The following PKP4 variants were observed in gnomAD, a reference collection of about 807,000 sequenced individuals.
PKP4 encodes the protein plakophilin 4.
A neutral mutation model predicts 145.1 loss-of-function variants in PKP4; 90 were observed. The observed-to-expected ratio is 0.62, with a 90% confidence interval of 0.52 to 0.74. The LOEUF (loss-of-function observed/expected upper bound fraction) is 0.74. Ranked by LOEUF, PKP4 falls within the 30% of genes least tolerant of loss-of-function variation. The pLI is 0.00. For missense variants in PKP4, 1,340 were observed against 1,482.7 expected (o/e 0.90, Z 1.58); for synonymous variants, 563 against 577.2 (o/e 0.98, Z 0.35).
intron 2 of PKP4, among the ~76,000 whole-genome samples, chr2:158,542,822 TACC>T (rs1410552934): frequency 3.9e-5 from 6 of 152,292 alleles, no homozygotes; most frequent in Non-Finnish European, 8.8e-5. Context: ...CTTCTGCTGC[TACC>T]ACAACAGGAA....
intron 11 of PKP4, among the ~76,000 whole-genome samples, chr2:158,656,168 C>T (rs530947632): frequency 4.7e-4 from 71 of 152,284 alleles, no homozygotes; most frequent in Non-Finnish European, 2.4e-4. Context: ...ACGACCAATT[C>T]TTCCTCAGTT....
At chr2:158,462,381 A>AG in intron 1 of PKP4, among the ~76,000 whole-genome samples, 1 of 151,346 alleles carries the variant, frequency 6.6e-6, no homozygotes, top group Non-Finnish European at 1.5e-5. Context: ...TCTTAAGAAA[A>AG]AAAAAAGAAC....
Position 158,577,284 on chromosome 2 carries a change from A to G in PKP4, c.146A>G (p.Gln49Arg). ...ASVKEQELQF[Q>R]RLTRELEVER... ...CTTGAATCACAGGAGCTTCAGTTTC[A>G]GCGACTCACCCGAGAACTGGAAGTG... Residue 49 changes from glutamine to arginine, a missense_variant, in exon 3 of 22, where the codon CAG becomes CGG. Coordinates refer to ENST00000389759, the MANE Select transcript of PKP4 (RefSeq NM_003628.6). 1 of 1,612,224 alleles carries G rather than the reference A, an allele frequency of 6.2e-7. No individual in the cohort carries two copies. Among genetic ancestry groups the G allele is most frequent in the Admixed American group, 1.7e-5 (1 of 59,754 alleles).
At chr2:158,467,753 A>G (rs1236944209) in intron 1 of PKP4, among the ~76,000 whole-genome samples, 1 of 152,132 alleles carries the variant, frequency 6.6e-6, no homozygotes, top group Non-Finnish European at 1.5e-5. Context: ...AAGCTGAGGT[A>G]GAAGGATTGC....
chr2:158,500,612 G>A (rs1240947896), intron 1 of PKP4, among the ~76,000 whole-genome samples: 1 of 152,176 alleles, frequency 6.6e-6, no homozygotes, highest in Non-Finnish European at 1.5e-5. Context: ...CCAATTCAGA[G>A]CCCGTGCCTT....
intron 6 of PKP4, 77 bp from the exon 7 acceptor site, chr2:158,624,801 T>A: frequency 9.2e-7 from 1 of 1,088,574 alleles, no homozygotes; most frequent in South Asian, 1.6e-5. Context: ...TAGTGAGCTA[T>A]GTGTATTTCT....
intron 1 of PKP4, among the ~76,000 whole-genome samples, chr2:158,466,503 C>T (rs1463959405): frequency 6.6e-6 from 1 of 151,622 alleles, no homozygotes; most frequent in Non-Finnish European, 1.5e-5. Flanking sequence ...TCAAGACCAG[C>T]CTGGACAACA....
At chr2:158,503,426 C>T (rs1696873311) in intron 1 of PKP4, among the ~76,000 whole-genome samples, 1 of 152,116 alleles carries the variant, frequency 6.6e-6, no homozygotes, top group African/African-American at 2.4e-5. Flanking sequence ...ACTTGCTACT[C>T]AAAGCAAGTC....
At chr2:158,608,140 C>A (rs1020398486) in intron 4 of PKP4, among the ~76,000 whole-genome samples, 1 of 152,106 alleles carries the variant, frequency 6.6e-6, no homozygotes, top group Non-Finnish European at 1.5e-5. Flanking sequence ...GCATTACATG[C>A]CTGTATCAAA....
rs1004870036 is a variant in PKP4 at position 158,621,920 on chromosome 2, C to T, written c.603+499C>T. ...AAATATGTTTGTTTCTATGAGTTAG[C>T]TCCCATTGATGAATTCTGATGAGTT... On this transcript the variant is annotated intron_variant, in intron 6 of 21. Coordinates refer to ENST00000389759, the MANE Select transcript of PKP4 (RefSeq NM_003628.6). Among the ~76,000 whole-genome samples, 12 of 152,080 alleles carry T rather than the reference C, an allele frequency of 7.9e-5. 2 individuals are homozygous for T. The highest frequency in any genetic ancestry group is 6.6e-4 in the Admixed American group (10 of 15,264).
intron 1 of PKP4, among the ~76,000 whole-genome samples, chr2:158,499,895 A>G (rs575810692): frequency 6.6e-6 from 1 of 152,350 alleles, no homozygotes; most frequent in South Asian, 2.1e-4. Flanking sequence ...AATTAAACAA[A>G]GTCTCACCTC....
chr2:158,617,463 TTTAA>T (rs2051755000), intron 4 of PKP4, among the ~76,000 whole-genome samples: 1 of 152,230 alleles, frequency 6.6e-6, no homozygotes, highest in Non-Finnish European at 1.5e-5. Context: ...ATTCCAACTA[TTTAA>T]TTATAGGTTA....
rs566377769 is a variant in PKP4 at position 158,651,005 on chromosome 2, T to G, written c.1910-7126T>G. Among the ~76,000 whole-genome samples, 202 of 152,310 alleles carry G rather than the reference T, an allele frequency of 1.3e-3. 1 individual carries two copies. The highest frequency in any genetic ancestry group is 4.6e-3 in the African/African-American group (191 of 41,578). ...GGAACTCTGCTCAGATAGTGGCATC[T>G]TAGAAACTCTGGGAATGGCTATATA... On this transcript the variant is annotated intron_variant, in intron 11 of 21. Coordinates refer to ENST00000389759, the MANE Select transcript of PKP4 (RefSeq NM_003628.6).
At chr2:158,631,104 AT>A (rs1211637109) in intron 7 of PKP4, among the ~76,000 whole-genome samples, 1 of 150,732 alleles carries the variant, frequency 6.6e-6, no homozygotes, top group Non-Finnish European at 1.5e-5. Flanking sequence ...CGCCCGGCTA[AT>A]TTTTTTTTGT....
chr2:158,531,899 A>G (rs1452374261), intron 1 of PKP4, among the ~76,000 whole-genome samples: 1 of 152,242 alleles, frequency 6.6e-6, no homozygotes, highest in Non-Finnish European at 1.5e-5. Context: ...CAGATAAACT[A>G]ATCAGACCCA....
At chr2:158,538,841 C>G (rs1397109334) in intron 2 of PKP4, among the ~76,000 whole-genome samples, 2 of 152,028 alleles carry the variant, frequency 1.3e-5, no homozygotes, top group East Asian at 3.9e-4. Context: ...CACACCTGGC[C>G]CACAAACCGC....
intron 21 of PKP4, 175 bp downstream of exon 21, chr2:158,678,829 A>G (rs2058236385): frequency 3.2e-6 from 2 of 627,570 alleles, no homozygotes; most frequent in Non-Finnish European, 5.8e-6. Context: ...TTTCCACGGT[A>G]GCCTCACGTT....
intron 11 of PKP4, among the ~76,000 whole-genome samples, chr2:158,643,423 C>T (rs914488209): frequency 5.9e-5 from 9 of 152,010 alleles, no homozygotes; most frequent in Non-Finnish European, 1.2e-4. Context: ...GTTAAAACCT[C>T]GTGAGGGCCA....
intron 11 of PKP4, among the ~76,000 whole-genome samples, chr2:158,649,210 A>T (rs1321371384): frequency 6.6e-6 from 1 of 152,182 alleles, no homozygotes; most frequent in Non-Finnish European, 1.5e-5. Flanking sequence ...GTTATTACAG[A>T]TTAGAAACCG....
Sources: allele counts gnomAD v4.1 joint callset (sites outside exome capture counted in the v4.1 genomes callset), GRCh38; gene constraint gnomAD v4.1.1; transcripts MANE v1.5; gene names NCBI Gene and HGNC (gene_info 2026-07-23, HGNC 2026-07-21).